RRP7A: variants seen among roughly 807,000 people sequenced by gnomAD.
RRP7A encodes the protein ribosomal RNA-processing protein 7 homolog A.
RRP7A carries 27 observed loss-of-function variants against 38.4 expected under a neutral mutation model. The observed-to-expected ratio is 0.70, with a 90% CI of 0.52 to 0.97. The LOEUF is 0.97. Among genes scored for constraint, RRP7A ranks in the 50% least tolerant of loss-of-function variants. The pLI, the probability that RRP7A is intolerant of heterozygous loss-of-function variation, is 0.00. For synonymous variants in RRP7A, 124 were observed against 150.3 expected (o/e 0.83, Z 1.28); for missense variants, 327 against 375.4 (o/e 0.87, Z 1.07).
chr22:42,517,311 A>AAATC (rs1270781632), intron 2 of RRP7A, among the ~76,000 whole-genome samples: 8 of 149,186 alleles, frequency 5.4e-5, no homozygotes, highest in South Asian at 2.1e-4. Flanking sequence ...ATAAATAAAT[A>AAATC]AATCCAGCAA....
Position 42,509,232 on chromosome 22 carries a change from C to G in RRP7A, c.*3678G>C, listed in dbSNP as rs1186821361. On this transcript the variant is annotated 3_prime_UTR_variant, in exon 7 of 7. Coordinates refer to ENST00000323013, the MANE Select transcript of RRP7A (RefSeq NM_015703.5). Reference sequence around the variant, plus strand: ...GCGTGTCGACCACATCGCTAAGACTCAAGATCTTTTTTGGGAAGCCCCCCT... The same window carrying G: ...GCGTGTCGACCACATCGCTAAGACTGAAGATCTTTTTTGGGAAGCCCCCCT... 42 of 1,525,816 alleles carry G rather than the reference C, an allele frequency of 2.8e-5. No homozygotes were observed. The highest frequency in any genetic ancestry group is 3.4e-5 in the Non-Finnish European group (38 of 1,132,206). The allele number at this position is 1,525,816 out of a possible 1,614,324, so 94.5% of individuals were successfully genotyped here.
chr22:42,514,840 C>T (rs1160493850), intron 4 of RRP7A, 61 bp from the exon 5 acceptor site: 21 of 1,186,544 alleles, frequency 1.8e-5, no homozygotes, highest in Non-Finnish European at 2.6e-5. Flanking sequence ...GGCCCCACCC[C>T]AGGGCCTGCC....
intron 5 of RRP7A, 32 bp from the exon 6 acceptor site, chr22:42,514,336 G>C: frequency 6.7e-7 from 1 of 1,490,892 alleles, no homozygotes; most frequent in Non-Finnish European, 9.2e-7. Context: ...CCTCCGGTGG[G>C]ACCTCCTGCA....
intron 6 of RRP7A, among the ~76,000 whole-genome samples, chr22:42,513,691 TGACA>T (rs1461519263): frequency 2.0e-5 from 2 of 100,812 alleles, no homozygotes; most frequent in East Asian, 6.7e-4. Context: ...CGGGGCCACC[TGACA>T]GACACACACA....
chr22:42,510,211 CT>C lies in RRP7A; in HGVS notation c.*2698del, dbSNP rs1301264830. On this transcript the variant is annotated 3_prime_UTR_variant, in exon 7 of 7. Transcript: ENST00000323013. ...TCTCCTGACCTCGTGATCCACCCGC[CT>C]CAGCCTCCCAAAGTGCTGGGATTAC... is the stretch of plus-strand genomic sequence containing the variant. 1 of 152,722 alleles carries C rather than the reference CT, an allele frequency of 6.5e-6. No homozygotes were observed. Among genetic ancestry groups the C allele is most frequent in the Non-Finnish European group, 1.5e-5 (1 of 68,432 alleles). 9.5% of individuals were successfully genotyped at this position (152,722 alleles called of 1,614,324 possible). A position where few individuals can be genotyped will look rare whatever the true frequency, so the allele number is the denominator to read the frequency against.
rs566739397 is a variant in RRP7A, at chr22:42,511,899, G to A, written c.*1011C>T. 8.2e-6 allele frequency: 5 copies of A among 612,378 alleles called. No homozygotes were observed. In the Admixed American group the frequency reaches 1.2e-4, roughly 14 times the overall value. The allele number at this position is 612,378 out of a possible 1,614,324, so 37.9% of individuals were successfully genotyped here. ...GCAACTTCACAACTCAGCTGGCCTA[G>A]ACCCCTGGGAGGCCTCCAAGTCCCT... On this transcript the variant is annotated 3_prime_UTR_variant, in exon 7 of 7. Transcript: ENST00000323013.
chr22:42,517,924 TCAC>T (rs1172794909), intron 2 of RRP7A, 78 bp downstream of exon 2: 3 of 1,505,174 alleles, frequency 2.0e-6, no homozygotes, highest in Non-Finnish European at 1.8e-6. Context: ...TGTGTCCGTC[TCAC>T]CACCAAGGAC....
intron 2 of RRP7A, 35 bp from the exon 3 acceptor site, chr22:42,516,171 C>T: frequency 6.2e-7 from 1 of 1,609,800 alleles, no homozygotes; most frequent in Non-Finnish European, 8.5e-7. Flanking sequence ...GTGTGAGCAT[C>T]CGCAGGGCCA....
rs560345717 is a variant in RRP7A at position 42,512,068 on chromosome 22, C to T, written c.*842G>A. The stretch of plus-strand genomic sequence containing the variant: ...CCCTGACCCCGGGGCCCATGGAGCT[C>T]CCTAGGCTCCTCTGGCCACATCTCA... On this transcript the variant is annotated 3_prime_UTR_variant, in exon 7 of 7. Transcript: ENST00000323013. 83 of 1,445,242 alleles carry T rather than the reference C, an allele frequency of 5.7e-5. 2 individuals are homozygous for T. Among genetic ancestry groups the T allele is most frequent in the South Asian group, 5.1e-4 (45 of 88,498 alleles). 89.5% of individuals were successfully genotyped at this position (1,445,242 alleles called of 1,614,324 possible).
At chr22:42,519,430 A>G (rs1399978293) in intron 1 of RRP7A, among the ~76,000 whole-genome samples, 1 of 152,190 alleles carries the variant, frequency 6.6e-6, no homozygotes, top group Non-Finnish European at 1.5e-5. Flanking sequence ...GCGGGTGTGG[A>G]CGGAAATGGG....
Position 42,509,206 on chromosome 22 carries a change from T to A in RRP7A, c.*3704A>T. 1 of 1,575,722 alleles carries A rather than the reference T, an allele frequency of 6.3e-7. No homozygotes were observed. The highest frequency in any genetic ancestry group is 8.6e-7 in the Non-Finnish European group (1 of 1,160,462). On this transcript the variant is annotated 3_prime_UTR_variant, in exon 7 of 7. Coordinates refer to ENST00000323013, the MANE Select transcript of RRP7A (RefSeq NM_015703.5). Reference sequence around the variant, plus strand: ...CCCTGGCATGAGGCTCCAAGTTCTCTGCGTGTCGACCACATCGCTAAGACT... The same window carrying A: ...CCCTGGCATGAGGCTCCAAGTTCTCAGCGTGTCGACCACATCGCTAAGACT...
Position 42,509,618 on chromosome 22 carries a change from C to G in RRP7A, c.*3292G>C, listed in dbSNP as rs904525255. 4.5e-4 allele frequency among the ~76,000 whole-genome samples: 69 copies of G among 151,830 alleles called. No homozygotes were observed. The highest frequency in any genetic ancestry group is 4.9e-4 in the Non-Finnish European group (33 of 67,908). ...TGTTGGGATTACAGGCGAGAGCCACCGTGCGTGGCCCACCATAGACGATTT... is the reference window on the plus strand; with the variant it reads ...TGTTGGGATTACAGGCGAGAGCCACGGTGCGTGGCCCACCATAGACGATTT... On this transcript the variant is annotated 3_prime_UTR_variant, in exon 7 of 7. Transcript: ENST00000323013.
rs1555985853 is a variant in RRP7A, at chr22:42,509,850, G to GGGGGGGGTGTGTGTGTGTGT, written c.*3059_*3060insACACACACACACACCCCCCC. On this transcript the variant is annotated 3_prime_UTR_variant, in exon 7 of 7. Coordinates refer to ENST00000323013, the MANE Select transcript of RRP7A (RefSeq NM_015703.5). ...AAGCCTGTTGGGGGTGGGGGGGTGG[G>GGGGGGGGTGTGTGTGTGTGT]GTGTGTGTGTGTGTGTGTAAGCTCA... The GGGGGGGGTGTGTGTGTGTGT allele has an allele frequency of 1.8e-5, 1 of 56,864 alleles. No homozygotes were observed. Among genetic ancestry groups the GGGGGGGGTGTGTGTGTGTGT allele is most frequent in the Non-Finnish European group, 3.4e-5 (1 of 29,032 alleles). The allele number at this position is 56,864 out of a possible 1,614,324, so 3.5% of individuals were successfully genotyped here.
rs1399226768 is a variant in RRP7A at position 42,511,502 on chromosome 22, A to C, written c.*1408T>G. Reference sequence around the variant, plus strand: ...GTCTCACTTTATAGGCTCCCAAACCACAGCAGAACACCTGGCTGCCTCATC... The same window carrying C: ...GTCTCACTTTATAGGCTCCCAAACCCCAGCAGAACACCTGGCTGCCTCATC... On this transcript the variant is annotated 3_prime_UTR_variant, in exon 7 of 7. Coordinates refer to ENST00000323013, the MANE Select transcript of RRP7A (RefSeq NM_015703.5). 1 of 153,344 alleles carries C rather than the reference A, an allele frequency of 6.5e-6. No individual in the cohort carries two copies. The highest frequency in any genetic ancestry group is 1.5e-5 in the Non-Finnish European group (1 of 68,962). The allele number at this position is 153,344 out of a possible 1,614,324, so 9.5% of individuals were successfully genotyped here.
intron 5 of RRP7A, 101 bp from the exon 6 acceptor site, chr22:42,514,405 C>A: frequency 1.2e-6 from 1 of 824,702 alleles, no homozygotes; most frequent in Non-Finnish European, 1.9e-6. Context: ...CCTGAGCCCC[C>A]GCAGGGGAGG....
intron 6 of RRP7A, among the ~76,000 whole-genome samples, chr22:42,513,346 A>AC (rs1920922738): frequency 9.0e-6 from 1 of 110,590 alleles, no homozygotes; most frequent in African/African-American, 3.3e-5. Flanking sequence ...GAATCAGTAA[A>AC]GGCACCCCAG....
At position 42,512,205 on chromosome 22, in the gene RRP7A, C is replaced by A; in HGVS notation, c.*705G>T. 1 of 1,596,626 alleles carries A rather than the reference C, an allele frequency of 6.3e-7. No homozygotes were observed. The highest frequency in any genetic ancestry group is 1.3e-5 in the African/African-American group (1 of 74,438). On this transcript the variant is annotated 3_prime_UTR_variant, in exon 7 of 7. Transcript: ENST00000323013. ...GGCCAGTATCATCAGCTCCTTCTTACAGTGCACACACACGCTCCCAGCCCA... is the reference window on the plus strand; with the variant it reads ...GGCCAGTATCATCAGCTCCTTCTTAAAGTGCACACACACGCTCCCAGCCCA...
chr22:42,516,405 T>C (rs1212974047), intron 2 of RRP7A: 1 of 493,388 alleles, frequency 2.0e-6, no homozygotes, highest in Non-Finnish European at 3.9e-6. Flanking sequence ...CACCTTCGGG[T>C]TGCAAGTGAT....
rs1920925683 is a variant in RRP7A at position 42,514,689 on chromosome 22, ATCT to A, written c.548_550del (p.Lys183del). ...ACCCCGCGGGGCCTCTACCTCAGCG[ATCT>A]TCTGGTCATATGCCTCCATGAACGT... On this transcript the variant is annotated inframe_deletion, in exon 5 of 7. Coordinates refer to ENST00000323013, the MANE Select transcript of RRP7A (RefSeq NM_015703.5). 1 of 1,608,028 alleles carries A rather than the reference ATCT, an allele frequency of 6.2e-7. No homozygotes were observed. Among genetic ancestry groups the A allele is most frequent in the Non-Finnish European group, 8.5e-7 (1 of 1,175,814 alleles).
Sources: gnomAD v4.1 joint callset for allele counts (sites outside exome capture counted in the v4.1 genomes callset) on GRCh38, gnomAD v4.1.1 for gene constraint, MANE v1.5 for transcripts, NCBI Gene and HGNC (gene_info 2026-07-23, HGNC 2026-07-21) for gene names.